The following CASK variants were observed in gnomAD, a reference collection of about 807,000 sequenced individuals.
CASK encodes the protein calcium/calmodulin dependent serine protein kinase, also known as peripheral plasma membrane protein CASK.
Under a neutral mutation model 82.9 loss-of-function variants are expected in CASK, and 4 were observed. That is an observed-to-expected ratio of 0.05 (90% CI 0.02 to 0.11). The LOEUF (loss-of-function observed/expected upper bound fraction) is 0.11, where lower values mean the gene tolerates loss of function less well. CASK is among the 10% of genes least tolerant of loss of function. The pLI is 1.00. For missense variants in CASK, 358 were observed against 720.9 expected (o/e 0.50, Z 5.76); for synonymous variants, 259 against 253.5 (o/e 1.02, Z -0.20).
chrX:41,626,180 A>G (rs1414082563), intron 10 of CASK, among the ~76,000 whole-genome samples: 2 of 110,078 alleles, frequency 1.8e-5, no homozygotes, highest in Non-Finnish European at 3.8e-5. Flanking sequence ...CTCTACACTG[A>G]AAGATTCCAT....
At chrX:41,852,313 A>G (rs1010608523) in intron 2 of CASK, among the ~76,000 whole-genome samples, 11 of 111,510 alleles carry the variant, frequency 9.9e-5, no homozygotes, top group Admixed American at 9.5e-4. Flanking sequence ...AGATTTTCCA[A>G]TCTAAATTAT....
intron 1 of CASK, among the ~76,000 whole-genome samples, chrX:41,894,024 C>T (rs901255521): frequency 9.0e-6 from 1 of 111,241 alleles, no homozygotes; most frequent in African/African-American, 3.3e-5. Flanking sequence ...ATGGCCCATA[C>T]AGAAGAAAAA....
chrX:41,866,800 A>G (rs903061989), intron 1 of CASK, among the ~76,000 whole-genome samples: 1 of 111,761 alleles, frequency 8.9e-6, no homozygotes, highest in South Asian at 3.8e-4. Context: ...CATCAGGTCC[A>G]TAATGTAGTC....
rs981450464 is a variant in CASK, at chrX:41,553,796, A to G, written c.1962T>C (p.His654=). Residue 654 remains histidine (H), a synonymous_variant, in exon 21 of 27, where the codon CAT becomes CAC. Coordinates refer to ENST00000378163, the MANE Select transcript of CASK (RefSeq NM_001367721.1). Reference sequence around the variant, plus strand: ...TTTCCAGTTTACCCTGCCACCAATTATGATCATCCTTACTAATAATCTGGA... The same window carrying G: ...TTTCCAGTTTACCCTGCCACCAATTGTGATCATCCTTACTAATAATCTGGA... ...DIIQIISKDD[H]NWWQGKLENS... is the part of the protein sequence containing the mutation. 1.7e-6 allele frequency: 2 copies of G among 1,202,133 alleles called. No homozygotes were observed. The highest frequency in any genetic ancestry group is 3.5e-5 in the African/African-American group (2 of 57,082).
intron 25 of CASK, chrX:41,529,751 T>C (rs1170330393): frequency 8.9e-6 from 1 of 112,443 alleles, no homozygotes; most frequent in Non-Finnish European, 1.9e-5. Context: ...AACGGCAGTG[T>C]TCACCCTACT....
At chrX:41,868,170 A>G (rs1369787116) in intron 1 of CASK, among the ~76,000 whole-genome samples, 2 of 111,920 alleles carry the variant, frequency 1.8e-5, no homozygotes, top group Non-Finnish European at 3.8e-5. Context: ...CTGTTTATCA[A>G]TTCATTAAAA....
At chrX:41,664,340 G>A (rs1036087135) in intron 7 of CASK, among the ~76,000 whole-genome samples, 4 of 111,303 alleles carry the variant, frequency 3.6e-5, no homozygotes, top group African/African-American at 1.3e-4. Context: ...TAACATTACC[G>A]AGGAATTGAA....
chrX:41,815,287 G>T (rs5917450), intron 2 of CASK, among the ~76,000 whole-genome samples: 17,883 of 110,615 alleles, frequency 0.16, 1,410 homozygotes, highest in Middle Eastern at 0.3. Flanking sequence ...GCTAAATTTG[G>T]CACTAAAATA....
At chrX:41,877,827 C>T (rs2071856684) in intron 1 of CASK, among the ~76,000 whole-genome samples, 1 of 110,725 alleles carries the variant, frequency 9.0e-6, no homozygotes. Flanking sequence ...ATAATATCTA[C>T]GTAGGGTAAT....
rs754430290 is a variant in CASK at position 41,645,138 on chromosome X, G to A, written c.832-8477C>T. Among the ~76,000 whole-genome samples, 23 of 110,785 alleles carry A rather than the reference G, an allele frequency of 2.1e-4. No individual in the cohort carries two copies. In the East Asian group the frequency reaches 5.4e-3, roughly 26 times the overall value. ...CTTGCTAGTTTTTGTGGCTTGAAAG[G>A]CATCACAGATCCTACTACTAGAATC... On this transcript the variant is annotated intron_variant, in intron 8 of 26. Coordinates refer to ENST00000378163, the MANE Select transcript of CASK (RefSeq NM_001367721.1).
intron 1 of CASK, among the ~76,000 whole-genome samples, chrX:41,875,041 C>T (rs2071786118): frequency 1.8e-5 from 2 of 112,551 alleles, no homozygotes; most frequent in African/African-American, 6.5e-5. Flanking sequence ...ATTACACTAT[C>T]AACCACAGTG....
At chrX:41,545,643 G>T (rs2065011935) in intron 21 of CASK, among the ~76,000 whole-genome samples, 1 of 111,687 alleles carries the variant, frequency 9.0e-6, no homozygotes, top group Admixed American at 9.5e-5. Flanking sequence ...TCCCGACCTT[G>T]TGCATTTCCA....
At chrX:41,808,543 G>C (rs996085762) in intron 2 of CASK, among the ~76,000 whole-genome samples, 5 of 112,189 alleles carry the variant, frequency 4.5e-5, no homozygotes, top group Admixed American at 9.4e-5. Flanking sequence ...TTAGAATTAA[G>C]ATTCTTTAAA....
intron 8 of CASK, among the ~76,000 whole-genome samples, chrX:41,642,365 G>C (rs2066674375): frequency 8.9e-6 from 1 of 112,047 alleles, no homozygotes; most frequent in Admixed American, 9.5e-5. Context: ...CCCACCAACA[G>C]TGTAAAAGTT....
intron 5 of CASK, among the ~76,000 whole-genome samples, chrX:41,700,661 C>T (rs1351717375): frequency 2.6e-4 from 26 of 101,951 alleles, no homozygotes; most frequent in Non-Finnish European, 4.8e-4. Flanking sequence ...CTCACTGCAA[C>T]CTCTGCCTCC....
intron 9 of CASK, among the ~76,000 whole-genome samples, chrX:41,628,054 C>T (rs1054988388): frequency 1.8e-5 from 2 of 111,741 alleles, no homozygotes; most frequent in African/African-American, 6.5e-5. Context: ...ACAGGATTGG[C>T]AAAAGTCATA....
At chrX:41,661,897 G>T (rs1602426629) in intron 7 of CASK, among the ~76,000 whole-genome samples, 2 of 110,854 alleles carry the variant, frequency 1.8e-5, no homozygotes, top group Admixed American at 1.9e-4. Flanking sequence ...ATTAGACAGG[G>T]CTTGGGTAGA....
At chrX:41,585,813 A>T (rs923145458) in intron 14 of CASK, 1 of 109,738 alleles carries the variant, frequency 9.1e-6, no homozygotes, top group Admixed American at 9.7e-5. Flanking sequence ...ATAATAACTC[A>T]CAGGTAATTG....
Position 41,544,049 on chromosome X carries a change from C to T in CASK, c.2040-1243G>A, listed in dbSNP as rs193173734. Among the ~76,000 whole-genome samples the T allele has an allele frequency of 6.2e-4, 69 of 111,794 alleles. 3 individuals carry two copies. The East Asian group carries it at 8.7e-3, about 14-fold the overall frequency. ...TGTCTGTTCAAGTCTTTTGACCGTT[C>T]CTCTGTTCAGTTGTCTTTTTCTCAT... On this transcript the variant is annotated intron_variant, in intron 21 of 26. Transcript: ENST00000378163.
Sources: gnomAD v4.1 joint callset for allele counts (sites outside exome capture counted in the v4.1 genomes callset) on GRCh38, gnomAD v4.1.1 for gene constraint, MANE v1.5 for transcripts, NCBI Gene and HGNC (gene_info 2026-07-23, HGNC 2026-07-21) for gene names.